The following BTRC variants were observed in gnomAD, a reference collection of about 807,000 sequenced individuals.
BTRC encodes the protein F-box/WD repeat-containing protein 1A.
A neutral mutation model predicts 85.5 loss-of-function variants in BTRC; 42 were observed. That is an observed-to-expected ratio of 0.49 (90% CI 0.38 to 0.64). The LOEUF is 0.64. Ranked by LOEUF, BTRC falls within the 30% of genes least tolerant of loss-of-function variation. BTRC has a pLI of 0.00. For missense variants in BTRC, 594 were observed against 743.5 expected (o/e 0.80, Z 2.34); for synonymous variants, 255 against 263.3 (o/e 0.97, Z 0.30).
intron 3 of BTRC, among the ~76,000 whole-genome samples, chr10:101,475,922 C>CATATATATATATATATATATATATATAT (rs71016324): frequency 1.5e-5 from 1 of 67,570 alleles, no homozygotes; most frequent in Non-Finnish European, 3.0e-5. Flanking sequence ...AGTATTTTGC[C>CATATATATATATATATATATATATATAT]ATATATATAT....
In BTRC at chr10:101,521,726, G is replaced by A. The variant is rs773806205; in HGVS notation, c.412G>A (p.Val138Ile). ...ASYEKEKELC[V>I]KYFEQWSESD... is the part of the protein sequence containing the mutation. Reference sequence around the variant, plus strand: ...CTATGAAAAGGAAAAGGAACTGTGTGTCAAATACTTTGAGCAGTGGTCAGA... The same window carrying A: ...CTATGAAAAGGAAAAGGAACTGTGTATCAAATACTTTGAGCAGTGGTCAGA... Residue 138 changes from valine to isoleucine, a missense_variant, in exon 5 of 15, where the codon GTC (valine) becomes ATC (isoleucine). This residue lies in a region of BTRC where 163 missense variants were observed against 180.5 expected (regional missense o/e 0.90). Coordinates refer to ENST00000370187, the MANE Select transcript of BTRC (RefSeq NM_033637.4). 2.5e-5 allele frequency: 41 copies of A among 1,614,038 alleles called. No homozygotes were observed. Among genetic ancestry groups the A allele is most frequent in the Non-Finnish European group, 3.1e-5 (36 of 1,180,020 alleles).
chr10:101,448,734 C>G (rs961164085), intron 2 of BTRC, among the ~76,000 whole-genome samples: 24 of 152,020 alleles, frequency 1.6e-4, no homozygotes, highest in African/African-American at 5.3e-4. Context: ...AGATTAAACT[C>G]AAGTATCCCA....
chr10:101,431,584 T>C (rs1375070134), intron 2 of BTRC, among the ~76,000 whole-genome samples: 1 of 152,202 alleles, frequency 6.6e-6, no homozygotes, highest in African/African-American at 2.4e-5. Context: ...CATTTTATAG[T>C]AATACACAAC....
chr10:101,412,391 C>A (rs944093747), intron 1 of BTRC, among the ~76,000 whole-genome samples: 1 of 152,114 alleles, frequency 6.6e-6, no homozygotes, highest in Non-Finnish European at 1.5e-5. Flanking sequence ...TAAGGGTCAC[C>A]TTATTTGTTT....
intron 4 of BTRC, among the ~76,000 whole-genome samples, chr10:101,516,515 A>C (rs2062025898): frequency 6.6e-6 from 1 of 152,114 alleles, no homozygotes; most frequent in Admixed American, 6.6e-5. Context: ...TCAAAAAAAT[A>C]CTCGTTTTGA....
intron 3 of BTRC, among the ~76,000 whole-genome samples, chr10:101,468,789 A>G (rs1210991063): frequency 1.3e-5 from 2 of 152,206 alleles, no homozygotes; most frequent in African/African-American, 4.8e-5. Context: ...GTGTAATTTT[A>G]AATATATACC....
At chr10:101,468,907 CTA>C (rs926127723) in intron 3 of BTRC, among the ~76,000 whole-genome samples, 31 of 152,158 alleles carry the variant, frequency 2.0e-4, no homozygotes, top group African/African-American at 6.8e-4. Context: ...TTAGATAATC[CTA>C]TGTCATTGAA....
At chr10:101,517,209 A>G (rs2062035352) in intron 4 of BTRC, among the ~76,000 whole-genome samples, 2 of 152,202 alleles carry the variant, frequency 1.3e-5, no homozygotes, top group Non-Finnish European at 2.9e-5. Context: ...ACCTCAACAC[A>G]CCAGGATTAC....
intron 1 of BTRC, among the ~76,000 whole-genome samples, chr10:101,415,776 G>C (rs1306100694): frequency 6.6e-6 from 1 of 151,456 alleles, no homozygotes; most frequent in African/African-American, 2.4e-5. Context: ...CCTGACCTCA[G>C]GCGATCTGCC....
chr10:101,456,910 G>C (rs1945097464), intron 2 of BTRC, among the ~76,000 whole-genome samples: 1 of 152,160 alleles, frequency 6.6e-6, no homozygotes, highest in Non-Finnish European at 1.5e-5. Context: ...GTAACAAGTT[G>C]TGTAGAATCT....
At chr10:101,363,016 G>T (rs1027533853) in intron 1 of BTRC, among the ~76,000 whole-genome samples, 13 of 152,176 alleles carry the variant, frequency 8.5e-5, no homozygotes, top group African/African-American at 3.1e-4. Flanking sequence ...GTGGATTTTG[G>T]TATCCGATGG....
chr10:101,381,304 A>T (rs1448978198), intron 1 of BTRC, among the ~76,000 whole-genome samples: 1 of 152,166 alleles, frequency 6.6e-6, no homozygotes, highest in Non-Finnish European at 1.5e-5. Context: ...TACTTTTTCC[A>T]GATCAAACAG....
chr10:101,357,443 A>AG (rs1270667520), intron 1 of BTRC, among the ~76,000 whole-genome samples: 7 of 147,486 alleles, frequency 4.7e-5, no homozygotes, highest in African/African-American at 1.7e-4. Flanking sequence ...TCTGTCTCAA[A>AG]AAAAAAAAAA....
At chr10:101,460,874 TA>T (rs1226237274) in intron 2 of BTRC, among the ~76,000 whole-genome samples, 1 of 152,122 alleles carries the variant, frequency 6.6e-6, no homozygotes, top group Non-Finnish European at 1.5e-5. Context: ...TGACTATATG[TA>T]ATGTAAGGAA....
chr10:101,360,348 C>A (rs1313296037), intron 1 of BTRC, among the ~76,000 whole-genome samples: 1 of 146,322 alleles, frequency 6.8e-6, no homozygotes, highest in Non-Finnish European at 1.5e-5. Flanking sequence ...AGTCACTATG[C>A]CTGGCCTAGA....
intron 2 of BTRC, among the ~76,000 whole-genome samples, chr10:101,435,738 G>A (rs1189247900): frequency 6.6e-6 from 1 of 152,100 alleles, no homozygotes; most frequent in Admixed American, 6.5e-5. Context: ...GGGTCATAGA[G>A]TAAGTGTATT....
chr10:101,477,527 T>A (rs1433969510), intron 3 of BTRC, among the ~76,000 whole-genome samples: 2 of 152,230 alleles, frequency 1.3e-5, no homozygotes, highest in Non-Finnish European at 2.9e-5. Flanking sequence ...CTGCCCAGGC[T>A]GATCTCAAAC....
chr10:101,417,632 CTATT>C (rs553216633), intron 1 of BTRC, among the ~76,000 whole-genome samples: 20 of 152,216 alleles, frequency 1.3e-4, no homozygotes, highest in African/African-American at 4.3e-4. Context: ...TATTTTGAGA[CTATT>C]TAAGTATCCT....
At chr10:101,511,823 G>C (rs2061958774) in intron 4 of BTRC, among the ~76,000 whole-genome samples, 1 of 152,078 alleles carries the variant, frequency 6.6e-6, no homozygotes, top group South Asian at 2.1e-4. Context: ...CACCGTGCTG[G>C]CTGTATTAAT....
Sources: allele counts gnomAD v4.1 joint callset (sites outside exome capture counted in the v4.1 genomes callset), GRCh38; gene constraint gnomAD v4.1.1; regional missense constraint gnomAD v4.1.1; transcripts MANE v1.5; gene names NCBI Gene and HGNC (gene_info 2026-07-23, HGNC 2026-07-21).